ST8SIA6: variants seen among roughly 807,000 people sequenced by gnomAD.
ST8SIA6 encodes ST8 alpha-N-acetyl-neuraminide alpha-2,8-sialyltransferase 6, also known as alpha-2,8-sialyltransferase 8F.
Under a neutral mutation model 33.6 loss-of-function variants are expected in ST8SIA6, and 39 were observed. The ratio of observed to expected loss-of-function variants is 1.16; its 90% CI spans 0.90 to 1.52. The LOEUF (loss-of-function observed/expected upper bound fraction) is 1.52. Ranked by LOEUF, ST8SIA6 falls within the 40% of genes most tolerant of loss-of-function variation. ST8SIA6 has a pLI of 0.00. For missense variants in ST8SIA6, 441 were observed against 443.8 expected (o/e 0.99, Z 0.06); for synonymous variants, 172 against 167.2 (o/e 1.03, Z -0.22).
chr10:17,411,136 C>T (rs1454116387), intron 2 of ST8SIA6, among the ~76,000 whole-genome samples: 1 of 152,066 alleles, frequency 6.6e-6, no homozygotes, highest in Admixed American at 6.5e-5. Context: ...TCAGACAACT[C>T]AGAAGGAATA....
chr10:17,445,130 T>C (rs1852659046), intron 2 of ST8SIA6, among the ~76,000 whole-genome samples: 1 of 152,232 alleles, frequency 6.6e-6, no homozygotes, highest in Non-Finnish European at 1.5e-5. Context: ...GTTAGTTTTC[T>C]TTTTTCAAGC....
At chr10:17,453,755 G>C in intron 1 of ST8SIA6, 98 bp from the exon 2 acceptor site, 1 of 936,982 alleles carries the variant, frequency 1.1e-6, no homozygotes, top group Non-Finnish European at 1.4e-6. Flanking sequence ...GGGAGATCTC[G>C]CACTCCCCGG....
At chr10:17,337,038 C>T (rs369366652) in intron 4 of ST8SIA6, among the ~76,000 whole-genome samples, 27 of 152,192 alleles carry the variant, frequency 1.8e-4, no homozygotes, top group Middle Eastern at 6.8e-3. Context: ...AGGAGGGGCC[C>T]GGTGGGAGGT....
intron 4 of ST8SIA6, among the ~76,000 whole-genome samples, chr10:17,356,008 C>T (rs1009399039): frequency 3.3e-5 from 5 of 152,196 alleles, no homozygotes; most frequent in Non-Finnish European, 7.3e-5. Flanking sequence ...CTATATCCCA[C>T]AGTGATCTTG....
At position 17,331,532 on chromosome 10, in the gene ST8SIA6, C is replaced by T; in HGVS notation, c.398G>A (p.Cys133Tyr). The T allele has an allele frequency of 3.7e-6, 6 of 1,608,970 alleles. No homozygotes were observed. Among genetic ancestry groups the T allele is most frequent in the South Asian group, 1.1e-5 (1 of 89,790 alleles). ...AACAACAAAGTTTTGAACAGCATCA[C>T]AGCAGGAAGCAAGTTTGGCTCTGCA... ...ANFRAKLASC[C>Y]DAVQNFVVSQ... The change falls in exon 5 of 8, where the codon TGT becomes TAT. Residue 133 changes from cysteine (C) to tyrosine (Y), a missense_variant. Physicochemically the swap from Cys to Tyr is radical, Grantham distance 194. Transcript: ENST00000377602.
At chr10:17,408,680 A>G (rs553004427) in intron 2 of ST8SIA6, among the ~76,000 whole-genome samples, 1 of 152,028 alleles carries the variant, frequency 6.6e-6, no homozygotes, top group African/African-American at 2.4e-5. Flanking sequence ...TAAAATAAAT[A>G]AATGAATAAA....
chr10:17,331,603 G>A (rs753065071), intron 4 of ST8SIA6, 51 bp from the exon 5 acceptor site: 21 of 1,553,758 alleles, frequency 1.4e-5, no homozygotes, highest in African/African-American at 6.9e-5. Flanking sequence ...TTAAGAAACC[G>A]AAAATGCAGA....
intron 4 of ST8SIA6, among the ~76,000 whole-genome samples, chr10:17,345,779 G>A (rs1024819206): frequency 1.3e-5 from 2 of 152,158 alleles, no homozygotes; most frequent in Admixed American, 6.5e-5. Context: ...ATTTTAGGAT[G>A]TGCACCCTGG....
At chr10:17,412,362 A>C (rs1347940032) in intron 2 of ST8SIA6, among the ~76,000 whole-genome samples, 5 of 152,124 alleles carry the variant, frequency 3.3e-5, no homozygotes, top group Non-Finnish European at 2.9e-5. Flanking sequence ...AGAAATTATT[A>C]ATCCAATCAA....
At chr10:17,408,128 A>G (rs1851333411) in intron 2 of ST8SIA6, 1 of 152,636 alleles carries the variant, frequency 6.6e-6, no homozygotes, top group East Asian at 1.9e-4. Context: ...GCACCCAGTC[A>G]GGCTCCGCTC....
chr10:17,353,106 G>C (rs189632045), intron 4 of ST8SIA6, among the ~76,000 whole-genome samples: 2 of 152,196 alleles, frequency 1.3e-5, no homozygotes, highest in Non-Finnish European at 1.5e-5. Context: ...ATGATTTTTG[G>C]TTTTCTCCAA....
At chr10:17,347,611 G>C (rs1444605803) in intron 4 of ST8SIA6, among the ~76,000 whole-genome samples, 1 of 152,126 alleles carries the variant, frequency 6.6e-6, no homozygotes, top group Non-Finnish European at 1.5e-5. Context: ...GCTGCCTTCA[G>C]GTGCCATTTG....
intron 2 of ST8SIA6, among the ~76,000 whole-genome samples, chr10:17,422,788 T>A (rs1240448772): frequency 6.6e-6 from 1 of 152,234 alleles, no homozygotes; most frequent in Non-Finnish European, 1.5e-5. Context: ...TGGGTTTCAC[T>A]GATTGAGTAT....
At chr10:17,440,302 C>G (rs11599811) in intron 2 of ST8SIA6, among the ~76,000 whole-genome samples, 20,207 of 150,998 alleles carry the variant, frequency 0.13, 1,565 homozygotes, top group African/African-American at 0.2. Flanking sequence ...GCCTCCCGGG[C>G]TCAAGCAATT....
chr10:17,373,789 G>A (rs1849806736), intron 3 of ST8SIA6, among the ~76,000 whole-genome samples: 1 of 151,708 alleles, frequency 6.6e-6, no homozygotes, highest in Non-Finnish European at 1.5e-5. Flanking sequence ...TATTACCATG[G>A]TCTTCCCAAA....
intron 3 of ST8SIA6, among the ~76,000 whole-genome samples, chr10:17,371,713 G>A (rs1422367446): frequency 1.1e-4 from 17 of 149,514 alleles, no homozygotes; most frequent in African/African-American, 4.2e-4. Flanking sequence ...TTGAACCCAG[G>A]AGGCAGGGGT....
intron 2 of ST8SIA6, among the ~76,000 whole-genome samples, chr10:17,411,749 C>T (rs2131695701): frequency 6.6e-6 from 1 of 152,276 alleles, no homozygotes; most frequent in African/African-American, 2.4e-5. Flanking sequence ...AAGTACCTTC[C>T]ACCTGGAGGA....
At chr10:17,380,681 T>A (rs758870084) in intron 3 of ST8SIA6, among the ~76,000 whole-genome samples, 8 of 152,116 alleles carry the variant, frequency 5.3e-5, no homozygotes, top group Non-Finnish European at 1.0e-4. Flanking sequence ...AAAAACAAAT[T>A]TGTGTAAGGA....
rs1313180616 is a variant in ST8SIA6, at chr10:17,318,711, A to G, written c.*2167T>C. The G allele has an allele frequency of 8.5e-6, 4 of 470,982 alleles. No homozygotes were observed. Among genetic ancestry groups the G allele is most frequent in the Non-Finnish European group, 1.3e-5 (3 of 227,070 alleles). The allele number at this position is 470,982 out of a possible 1,614,324, so 29.2% of individuals were successfully genotyped here. A position where few individuals can be genotyped will look rare whatever the true frequency, so the allele number is the denominator to read the frequency against. ...TCTACAAATCTACAAGATGGAGTTT[A>G]TAGTTTTTCTTTTTGTTTTGCACTT... On this transcript the variant is annotated 3_prime_UTR_variant, in exon 8 of 8. Coordinates refer to ENST00000377602, the MANE Select transcript of ST8SIA6 (RefSeq NM_001004470.3).
Sources: gnomAD v4.1 joint callset for allele counts (sites outside exome capture counted in the v4.1 genomes callset) on GRCh38, gnomAD v4.1.1 for gene constraint, MANE v1.5 for transcripts, NCBI Gene and HGNC (gene_info 2026-07-23, HGNC 2026-07-21) for gene names.